The following FBXW7 variants were observed in gnomAD, a reference collection of about 807,000 sequenced individuals.
FBXW7 encodes the protein F-box and WD repeat domain containing 7.
In FBXW7, 11 loss-of-function variants were observed where a neutral mutation model predicts 86.3. The observed-to-expected ratio is 0.13, with a 90% confidence interval of 0.08 to 0.21. FBXW7 has a LOEUF of 0.21. Ranked by LOEUF, FBXW7 falls within the 10% of genes least tolerant of loss-of-function variation. The pLI is 1.00. For missense variants in FBXW7, 488 were observed against 847.4 expected, an observed-to-expected ratio of 0.58 and a Z score of 5.27; for synonymous variants, 313 against 297.9, an observed-to-expected ratio of 1.05 and a Z score of -0.52.
chr4:152,445,910 TAAA>T (rs11457603), intron 2 of FBXW7, among the ~76,000 whole-genome samples: 156 of 100,646 alleles, frequency 1.5e-3, no homozygotes, highest in Middle Eastern at 0.014. Context: ...ACTCTGTCTT[TAAA>T]AAAAAAAAAA....
chr4:152,383,466 A>G (rs981508308), intron 4 of FBXW7, among the ~76,000 whole-genome samples: 6 of 152,258 alleles, frequency 3.9e-5, no homozygotes, highest in Admixed American at 1.3e-4. Flanking sequence ...TGCAAGTGTT[A>G]ATTAATCTTT....
At chr4:152,484,514 C>A (rs906155237) in intron 2 of FBXW7, among the ~76,000 whole-genome samples, 2 of 152,154 alleles carry the variant, frequency 1.3e-5, no homozygotes, top group African/African-American at 4.8e-5. Flanking sequence ...AACATACTAA[C>A]AATATTGTAA....
intron 2 of FBXW7, among the ~76,000 whole-genome samples, chr4:152,509,525 CAT>C (rs943848032): frequency 1.3e-5 from 2 of 151,990 alleles, no homozygotes; most frequent in African/African-American, 2.4e-5. Context: ...AGAAAAACAA[CAT>C]GTTTTAGAGT....
At chr4:152,338,201 A>C in intron 6 of FBXW7, 1 of 242,076 alleles carries the variant, frequency 4.1e-6, no homozygotes, top group East Asian at 7.6e-5. Context: ...TATAATAGTT[A>C]TATGTTCATC....
intron 2 of FBXW7, among the ~76,000 whole-genome samples, chr4:152,513,993 T>C (rs55885666): frequency 0.36 from 55,104 of 152,160 alleles, 10,596 homozygotes; most frequent in African/African-American, 0.5. Flanking sequence ...TTCAAAGATT[T>C]AGTATTAAAA....
Position 152,411,766 on chromosome 4 carries a change from C to A in FBXW7, c.38G>T (p.Arg13Leu), listed in dbSNP as rs1471232420. ...QELLSVGSKR[R>L]RTGGSLRGNP... is the part of the protein sequence containing the mutation. ...ACCTCTCAGAGAGCCTCCAGTTCGT[C>A]GTCTTTTGCTGCCCACAGAGAGCAG... Residue 13 changes from arginine to leucine, a missense_variant, in exon 4 of 14, where the codon CGA becomes CTA. This residue lies in a region of FBXW7 where 230 missense variants were observed against 240.0 expected (regional missense o/e 0.96). Coordinates refer to ENST00000281708, the MANE Select transcript of FBXW7 (RefSeq NM_001349798.2). The A allele has an allele frequency of 1.2e-6, 2 of 1,612,942 alleles. No individual in the cohort carries two copies.
intron 4 of FBXW7, among the ~76,000 whole-genome samples, chr4:152,364,849 T>C (rs1733318646): frequency 6.6e-6 from 1 of 152,178 alleles, no homozygotes; most frequent in East Asian, 1.9e-4. Context: ...CATAATTATA[T>C]TCTACCTAAT....
chr4:152,352,318 G>T, intron 4 of FBXW7: 2 of 788,732 alleles, frequency 2.5e-6, no homozygotes, highest in South Asian at 1.9e-5. Flanking sequence ...TCCGTTATTT[G>T]CTTACATTCA....
rs36064556 is a variant in FBXW7 at position 152,454,251 on chromosome 4, GCC to G, written c.-119-41724_-119-41723del. On this transcript the variant is annotated intron_variant, in intron 2 of 13. Coordinates refer to ENST00000281708, the MANE Select transcript of FBXW7 (RefSeq NM_001349798.2). ...CTTTTACTGGAGAGTAACTCTCTAA[GCC>G]CCCCCCCCCTTTTTTTTTTTTTTCC... Among the ~76,000 whole-genome samples, 144 of 100,090 alleles carry G rather than the reference GCC, an allele frequency of 1.4e-3. 1 individual carries two copies. Among genetic ancestry groups the G allele is most frequent in the African/African-American group, 5.6e-3 (137 of 24,580 alleles). The allele number at this position is 100,090 out of a possible 152,430, so 65.7% of individuals were successfully genotyped here.
At chr4:152,477,135 A>C (rs956239279) in intron 2 of FBXW7, among the ~76,000 whole-genome samples, 1 of 152,034 alleles carries the variant, frequency 6.6e-6, no homozygotes, top group Non-Finnish European at 1.5e-5. Flanking sequence ...ACTCCAACTC[A>C]GGAGTCTCAT....
At chr4:152,404,296 CAG>C (rs764847323) in intron 4 of FBXW7, among the ~76,000 whole-genome samples, 1 of 152,122 alleles carries the variant, frequency 6.6e-6, no homozygotes, top group Non-Finnish European at 1.5e-5. Context: ...TGGTTTCCAG[CAG>C]AGAGTTATTT....
In FBXW7 at chr4:152,344,686, ACT is replaced by A. The variant is rs1358490521; in HGVS notation, c.726+2242_726+2243del. On this transcript the variant is annotated intron_variant, in intron 6 of 13. Transcript: ENST00000281708. ...TAAACAAGCAAACGGTGTACAATGA[ACT>A]CTCTAAAATATCCTGACTAAAATAA... 2.6e-5 allele frequency among the ~76,000 whole-genome samples: 4 copies of A among 152,120 alleles called. No individual in the cohort carries two copies. The East Asian group carries it at 7.7e-4, about 29-fold the overall frequency.
intron 2 of FBXW7, among the ~76,000 whole-genome samples, chr4:152,477,423 G>A (rs1476461861): frequency 2.0e-5 from 3 of 151,870 alleles, no homozygotes; most frequent in Non-Finnish European, 4.4e-5. Flanking sequence ...ACAACTATAC[G>A]CATTTGGAAA....
chr4:152,529,346 A>T (rs1054271936), intron 2 of FBXW7, among the ~76,000 whole-genome samples: 1 of 152,166 alleles, frequency 6.6e-6, no homozygotes, highest in East Asian at 1.9e-4. Context: ...CAGATTATAT[A>T]CTCTTTTTTT....
intron 2 of FBXW7, among the ~76,000 whole-genome samples, chr4:152,437,797 C>T (rs1321279439): frequency 6.6e-6 from 1 of 152,162 alleles, no homozygotes; most frequent in African/African-American, 2.4e-5. Flanking sequence ...CAGTCAGCAG[C>T]CATCAACACT....
At chr4:152,510,697 A>G (rs1229647914) in intron 2 of FBXW7, among the ~76,000 whole-genome samples, 2 of 152,226 alleles carry the variant, frequency 1.3e-5, no homozygotes, top group Non-Finnish European at 2.9e-5. Flanking sequence ...AAAATGCAAA[A>G]GACAGTGACT....
In FBXW7 at chr4:152,519,299, A is replaced by AAAATAAAT. The variant is rs372626356; in HGVS notation, c.-120+15634_-120+15641dup. Among the ~76,000 whole-genome samples the AAAATAAAT allele has an allele frequency of 2.3e-4, 35 of 152,080 alleles. No individual in the cohort carries two copies. The East Asian group carries it at 3.5e-3, about 15-fold the overall frequency. ...GGCTACAGAGTGAGACTCTGTCTCA[A>AAAATAAAT]AAATAAATAAATAAATAAATAAAGA... On this transcript the variant is annotated intron_variant, in intron 2 of 13. Transcript: ENST00000281708.
At chr4:152,427,310 C>G (rs992778534) in intron 2 of FBXW7, among the ~76,000 whole-genome samples, 2 of 152,210 alleles carry the variant, frequency 1.3e-5, no homozygotes, top group Admixed American at 1.3e-4. Flanking sequence ...AGGTTAGATT[C>G]TCACTGATCA....
intron 4 of FBXW7, among the ~76,000 whole-genome samples, chr4:152,392,818 G>A (rs1269795731): frequency 6.6e-6 from 1 of 152,116 alleles, no homozygotes; most frequent in African/African-American, 2.4e-5. Context: ...TCTTGAGGAT[G>A]GCAAAATTTT....
Sources: gnomAD v4.1 joint callset for allele counts (sites outside exome capture counted in the v4.1 genomes callset) on GRCh38, gnomAD v4.1.1 for gene constraint, gnomAD v4.1.1 regional missense constraint, MANE v1.5 for transcripts, NCBI Gene and HGNC (gene_info 2026-07-23, HGNC 2026-07-21) for gene names.